The following CDC42BPA variants were observed in gnomAD, a reference collection of about 807,000 sequenced individuals.
CDC42BPA encodes the protein CDC42 binding protein kinase alpha.
Under a neutral mutation model 223.5 loss-of-function variants are expected in CDC42BPA, and 80 were observed. The observed-to-expected ratio is 0.36, with a 90% CI of 0.30 to 0.43. CDC42BPA has a LOEUF of 0.43. Among genes scored for constraint, CDC42BPA ranks in the 20% least tolerant of loss-of-function variants. The pLI is 1.00. For missense variants in CDC42BPA, 1,743 were observed against 2,099.9 expected (o/e 0.83, Z 3.32); for synonymous variants, 694 against 718.6 (o/e 0.97, Z 0.55).
At chr1:227,028,466 C>T (rs1668672752) in intron 30 of CDC42BPA, among the ~76,000 whole-genome samples, 191 bp downstream of exon 30, 1 of 152,218 alleles carries the variant, frequency 6.6e-6, no homozygotes, top group South Asian at 2.1e-4. Context: ...CATGCTAATG[C>T]TGGCCCTGTT....
chr1:227,068,138 T>C (rs1677493442), intron 21 of CDC42BPA, among the ~76,000 whole-genome samples: 1 of 151,844 alleles, frequency 6.6e-6, no homozygotes, highest in African/African-American at 2.4e-5. Context: ...CTGTCAGCAT[T>C]AGAAATAAAT....
intron 19 of CDC42BPA, 54 bp from the exon 20 acceptor site, chr1:227,072,353 G>A: frequency 9.5e-7 from 1 of 1,054,612 alleles, no homozygotes; most frequent in Non-Finnish European, 1.5e-6. Flanking sequence ...GCTGGTTAGT[G>A]AGCCATCTTG....
intron 11 of CDC42BPA, among the ~76,000 whole-genome samples, chr1:227,120,215 A>C (rs1688424796): frequency 1.3e-5 from 2 of 152,044 alleles, no homozygotes; most frequent in South Asian, 4.1e-4. Flanking sequence ...CCTTCGGAAA[A>C]ATTAAAAATT....
rs1330620460 is a variant in CDC42BPA, at chr1:226,993,602, T to TA, written c.*665dup. 6.5e-6 allele frequency: 1 copy of TA among 152,672 alleles called. No homozygotes were observed. Among genetic ancestry groups the TA allele is most frequent in the Non-Finnish European group, 1.5e-5 (1 of 68,044 alleles). The allele number at this position is 152,672 out of a possible 1,614,324, so 9.5% of individuals were successfully genotyped here. ...CTTGAGGCCTTTCCACCCTTTACAT[T>TA]ACATTACAGACAAGAAACAACATAT... is the stretch of plus-strand genomic sequence containing the variant. On this transcript the variant is annotated 3_prime_UTR_variant, in exon 37 of 37. Coordinates refer to ENST00000366766, the MANE Select transcript of CDC42BPA (RefSeq NM_001394014.1).
chr1:227,051,239 T>C (rs1391647994), intron 22 of CDC42BPA, among the ~76,000 whole-genome samples: 1 of 152,182 alleles, frequency 6.6e-6, no homozygotes, highest in African/African-American at 2.4e-5. Flanking sequence ...TGATGCTGAA[T>C]GAAGAACCAG....
chr1:227,064,347 G>A (rs1046770532), intron 21 of CDC42BPA, among the ~76,000 whole-genome samples: 5 of 151,992 alleles, frequency 3.3e-5, no homozygotes, highest in African/African-American at 4.8e-5. Flanking sequence ...ATGACAATAC[G>A]TTTCTCAAAT....
chr1:227,015,812 CA>C (rs1666113290), intron 34 of CDC42BPA, among the ~76,000 whole-genome samples: 1 of 152,126 alleles, frequency 6.6e-6, no homozygotes, highest in South Asian at 2.1e-4. Context: ...TTTCTTCCAC[CA>C]CCAATAGTAA....
At chr1:227,164,841 T>A (rs1332286960) in intron 5 of CDC42BPA, among the ~76,000 whole-genome samples, 6 of 152,242 alleles carry the variant, frequency 3.9e-5, no homozygotes, top group African/African-American at 1.2e-4. Context: ...ATTACTCTTA[T>A]CACTTCACAT....
intron 3 of CDC42BPA, among the ~76,000 whole-genome samples, chr1:227,208,241 C>A (rs1256604410): frequency 6.6e-6 from 1 of 151,316 alleles, no homozygotes; most frequent in Non-Finnish European, 1.5e-5. Context: ...TGTTTGAGTT[C>A]ATTGTAGATT....
chr1:227,106,030 G>A lies in CDC42BPA; in HGVS notation c.2002-4791C>T, dbSNP rs146912181. On this transcript the variant is annotated intron_variant, in intron 14 of 36. Coordinates refer to ENST00000366766, the MANE Select transcript of CDC42BPA (RefSeq NM_001394014.1). The stretch of plus-strand genomic sequence containing the variant: ...GGAACCACCACATTGTTTCAAAAGT[G>A]GCTACATTATTTTATACTTTCTTTA... Among the ~76,000 whole-genome samples the A allele has an allele frequency of 4.9e-3, 750 of 152,178 alleles. 5 individuals carry two copies. The highest frequency in any genetic ancestry group is 0.017 in the African/African-American group (701 of 41,528).
intron 34 of CDC42BPA, among the ~76,000 whole-genome samples, chr1:227,008,835 TG>T (rs2148412363): frequency 6.6e-6 from 1 of 152,278 alleles, no homozygotes; most frequent in South Asian, 2.1e-4. Context: ...GCAAAGTCCA[TG>T]TAATTCTTGG....
chr1:227,011,818 T>C (rs1665277607), intron 34 of CDC42BPA, among the ~76,000 whole-genome samples: 1 of 152,192 alleles, frequency 6.6e-6, no homozygotes, highest in Non-Finnish European at 1.5e-5. Context: ...CAGTAGCCAG[T>C]CACCTTCTCT....
rs1387557803 is a variant in CDC42BPA at position 226,994,417 on chromosome 1, A to G, written c.5134-18T>C. 2.7e-6 allele frequency: 4 copies of G among 1,491,888 alleles called. No homozygotes were observed. The highest frequency in any genetic ancestry group is 3.6e-6 in the Non-Finnish European group (4 of 1,116,516). The allele number at this position is 1,491,888 out of a possible 1,614,324, so 92.4% of individuals were successfully genotyped here. On this transcript the variant is annotated intron_variant, in intron 36 of 36. Transcript: ENST00000366766. The surrounding 1 kb of genome is among the most constrained non-coding windows in gnomAD (Gnocchi z 4.0). ...TCAGAGTCCTGTAAGGCCCAAAGTA[A>G]AACATTAATGAGAAGGAGGGGGAGA...
At chr1:227,163,018 A>G (rs75711333) in intron 5 of CDC42BPA, among the ~76,000 whole-genome samples, 80,738 of 141,592 alleles carry the variant, frequency 0.57, 22,502 homozygotes, top group African/African-American at 0.67. Context: ...CCAAACGTGT[A>G]TGTTTCCAAA....
intron 34 of CDC42BPA, chr1:227,011,097 A>T (rs1450670118): frequency 8.2e-7 from 1 of 1,215,014 alleles, no homozygotes. Flanking sequence ...AAAAAAGGCA[A>T]TAAGGTGATG....
Position 227,035,606 on chromosome 1 carries a change from C to T in CDC42BPA, c.3201G>A (p.Val1067=), listed in dbSNP as rs527338654. The T allele has an allele frequency of 1.3e-6, 2 of 1,581,566 alleles. No homozygotes were observed. The highest frequency in any genetic ancestry group is 2.7e-5 in the African/African-American group (2 of 72,874). ...AAGTTATATGGCATGAGAATCCACA[C>T]ACTTTTAGAGGGAAAAAAGAAACGT... ...GLIRQGCSCE[V]CGFSCHITCV... is the part of the protein sequence containing the mutation. The change falls in exon 25 of 37, where the codon GTG becomes GTA. Residue 1067 remains valine (V), a splice_region_variant and synonymous_variant. Coordinates refer to ENST00000366766, the MANE Select transcript of CDC42BPA (RefSeq NM_001394014.1).
chr1:227,192,699 T>C lies in CDC42BPA; in HGVS notation c.599+1087A>G, dbSNP rs538936814. ...TCCAATATATCCTTAATTTATTTCT[T>C]ATTTTTTGTGTGTCCTTCCAAATTC... On this transcript the variant is annotated intron_variant, in intron 5 of 36. Transcript: ENST00000366766. Among the ~76,000 whole-genome samples, 14 of 152,330 alleles carry C rather than the reference T, an allele frequency of 9.2e-5. No individual in the cohort carries two copies. In the East Asian group the frequency reaches 2.5e-3, roughly 27 times the overall value.
At chr1:227,026,300 T>C (rs1668232056) in intron 30 of CDC42BPA, 148 bp from the exon 31 acceptor site, 1 of 544,514 alleles carries the variant, frequency 1.8e-6, no homozygotes, top group Non-Finnish European at 3.2e-6. Flanking sequence ...CAAAACATTT[T>C]TGAAGCAAAC....
At chr1:227,226,000 C>G (rs1676801174) in intron 2 of CDC42BPA, among the ~76,000 whole-genome samples, 2 of 152,194 alleles carry the variant, frequency 1.3e-5, no homozygotes, top group Admixed American at 1.3e-4. Context: ...GCCTCACAAG[C>G]AAGAGAGGCT....
Sources: gnomAD v4.1 joint callset for allele counts (sites outside exome capture counted in the v4.1 genomes callset) on GRCh38, gnomAD v4.1.1 for gene constraint, Gnocchi (gnomAD v3.1) non-coding constraint, MANE v1.5 for transcripts, NCBI Gene and HGNC (gene_info 2026-07-23, HGNC 2026-07-21) for gene names.